XXYLT1: variants seen among roughly 807,000 people sequenced by gnomAD.
The protein encoded by XXYLT1 is UDP-xylose:alpha-xyloside alpha-1,3-xylosyltransferase.
In XXYLT1, 20 loss-of-function variants were observed where a neutral mutation model predicts 28.9. The ratio of observed to expected loss-of-function variants is 0.69; its 90% CI spans 0.49 to 1.00. The LOEUF (loss-of-function observed/expected upper bound fraction) is 1.00, where lower values mean the gene tolerates loss of function less well. Ranked by LOEUF, XXYLT1 falls within the 50% of genes least tolerant of loss-of-function variation. The probability of loss-of-function intolerance (pLI) is 0.00; values close to 1 mark genes in which losing one functional copy is unlikely to be tolerated. For missense variants in XXYLT1, 542 were observed against 560.1 expected (o/e 0.97, Z 0.33); for synonymous variants, 257 against 253.8 (o/e 1.01, Z -0.12).
At chr3:195,149,291 T>C (rs900652901) in intron 3 of XXYLT1, among the ~76,000 whole-genome samples, 1 of 152,188 alleles carries the variant, frequency 6.6e-6, no homozygotes, top group Non-Finnish European at 1.5e-5. Flanking sequence ...AACAAAAATG[T>C]ATCACTTTTT....
At chr3:195,175,944 T>C (rs1299861709) in intron 2 of XXYLT1, 1 of 1,373,522 alleles carries the variant, frequency 7.3e-7, no homozygotes, top group Non-Finnish European at 9.4e-7. Flanking sequence ...TCATGTTTGT[T>C]ATTACAGCCC....
chr3:195,144,191 G>A (rs1281720673), intron 3 of XXYLT1, among the ~76,000 whole-genome samples: 2 of 150,318 alleles, frequency 1.3e-5, no homozygotes, highest in African/African-American at 4.9e-5. Flanking sequence ...ACCGTGCCTG[G>A]CCAACCGCCC....
At chr3:195,074,345 A>G (rs772062459) in intron 3 of XXYLT1, among the ~76,000 whole-genome samples, 4 of 152,200 alleles carry the variant, frequency 2.6e-5, no homozygotes, top group Non-Finnish European at 5.9e-5. Flanking sequence ...CCTTGAGAGC[A>G]GTCACTGAAG....
chr3:195,244,761 CAAAAAAAAAAA>C (rs869207427), intron 1 of XXYLT1, among the ~76,000 whole-genome samples: 1 of 26,532 alleles, frequency 3.8e-5, no homozygotes. Flanking sequence ...GACTCTGTCT[CAAAAAAAAAAA>C]AAAAAAAAAA....
intron 3 of XXYLT1, among the ~76,000 whole-genome samples, chr3:195,102,582 T>C (rs1209351013): frequency 6.6e-6 from 1 of 152,228 alleles, no homozygotes; most frequent in Non-Finnish European, 1.5e-5. Context: ...CACTTAGCAA[T>C]AATGTCCTCC....
intron 1 of XXYLT1, among the ~76,000 whole-genome samples, chr3:195,238,135 T>C (rs1475419990): frequency 6.6e-6 from 1 of 152,234 alleles, no homozygotes; most frequent in East Asian, 1.9e-4. Flanking sequence ...ATAGTGGTTC[T>C]GGCCCCGTCC....
intron 2 of XXYLT1, among the ~76,000 whole-genome samples, chr3:195,212,382 G>A (rs1158325027): frequency 6.6e-6 from 1 of 152,216 alleles, no homozygotes; most frequent in Non-Finnish European, 1.5e-5. Flanking sequence ...TTAAATTCTG[G>A]TCAGCTGCAC....
At chr3:195,074,961 G>A (rs778959005) in intron 3 of XXYLT1, among the ~76,000 whole-genome samples, 4 of 152,210 alleles carry the variant, frequency 2.6e-5, no homozygotes, top group African/African-American at 4.8e-5. Context: ...AAGGTAAGAA[G>A]TGTTCCCAGG....
chr3:195,149,486 CT>C (rs1463380114), intron 3 of XXYLT1, among the ~76,000 whole-genome samples: 1 of 152,208 alleles, frequency 6.6e-6, no homozygotes, highest in African/African-American at 2.4e-5. Flanking sequence ...GATGTTCACC[CT>C]CTGTGCAGCG....
At chr3:195,092,831 A>G (rs1379186924) in intron 3 of XXYLT1, among the ~76,000 whole-genome samples, 2 of 111,338 alleles carry the variant, frequency 1.8e-5, no homozygotes, top group Non-Finnish European at 3.4e-5. Flanking sequence ...ACAAATTTAC[A>G]AGAAAAAAAC....
At chr3:195,087,532 G>A (rs1715801280) in intron 3 of XXYLT1, among the ~76,000 whole-genome samples, 1 of 152,230 alleles carries the variant, frequency 6.6e-6, no homozygotes, top group African/African-American at 2.4e-5. Context: ...CCTGCACGCA[G>A]GGCCTGCAAC....
At chr3:195,181,049 T>C (rs545196525) in intron 2 of XXYLT1, among the ~76,000 whole-genome samples, 2 of 152,334 alleles carry the variant, frequency 1.3e-5, no homozygotes, top group African/African-American at 4.8e-5. Flanking sequence ...TCTGAGCCTT[T>C]GATGGGGCCC....
rs1029529367 is a variant in XXYLT1 at position 195,123,971 on chromosome 3, C to T, written c.785+32478G>A. Among the ~76,000 whole-genome samples the T allele has an allele frequency of 2.0e-5, 3 of 152,334 alleles. No homozygotes were observed. In the East Asian group the frequency reaches 5.8e-4, roughly 29 times the overall value. ...GAACAAAGGGATCTGGGTCAAAAAG[C>T]TTAAAAAAGCTAACGCTCAACAAAG... On this transcript the variant is annotated intron_variant, in intron 3 of 3. Coordinates refer to ENST00000310380, the MANE Select transcript of XXYLT1 (RefSeq NM_152531.5).
intron 3 of XXYLT1, among the ~76,000 whole-genome samples, chr3:195,134,826 GGTGTGTGTGTGT>G (rs3073321): frequency 2.2e-3 from 318 of 145,572 alleles, no homozygotes; most frequent in African/African-American, 6.0e-3. Flanking sequence ...CGTGAAGAGG[GGTGTGTGTGTGT>G]GTGTGTGTGT....
intron 3 of XXYLT1, among the ~76,000 whole-genome samples, chr3:195,135,119 G>T (rs1719124768): frequency 6.6e-6 from 1 of 152,102 alleles, no homozygotes; most frequent in Non-Finnish European, 1.5e-5. Flanking sequence ...TCAAATAATG[G>T]GCTGCTCTGA....
chr3:195,135,718 C>T (rs1036629036), intron 3 of XXYLT1, among the ~76,000 whole-genome samples: 1 of 152,202 alleles, frequency 6.6e-6, no homozygotes, highest in African/African-American at 2.4e-5. Flanking sequence ...GAGCTTTCTA[C>T]TGTAGAAAAG....
At chr3:195,082,719 C>A (rs748043968) in intron 3 of XXYLT1, among the ~76,000 whole-genome samples, 2 of 152,032 alleles carry the variant, frequency 1.3e-5, no homozygotes, top group African/African-American at 2.4e-5. Context: ...TGTGGTGGCG[C>A]GTGCCTATAA....
At chr3:195,111,685 G>C (rs975409933) in intron 3 of XXYLT1, among the ~76,000 whole-genome samples, 3 of 152,188 alleles carry the variant, frequency 2.0e-5, no homozygotes, top group Non-Finnish European at 4.4e-5. Flanking sequence ...CACTGGTACT[G>C]ACTCGTGAAG....
At chr3:195,200,528 A>G (rs6796828) in intron 2 of XXYLT1, among the ~76,000 whole-genome samples, 7,781 of 152,292 alleles carry the variant, frequency 0.051, 617 homozygotes, top group African/African-American at 0.18. Flanking sequence ...GCAACAGGAC[A>G]TAGCACTTGC....
Sources: gnomAD v4.1 joint callset for allele counts (sites outside exome capture counted in the v4.1 genomes callset) on GRCh38, gnomAD v4.1.1 for gene constraint, MANE v1.5 for transcripts, NCBI Gene and HGNC (gene_info 2026-07-23, HGNC 2026-07-21) for gene names.